XPO5: variants seen among roughly 807,000 people sequenced by gnomAD.
XPO5 encodes exportin-5.
XPO5 carries 46 observed loss-of-function variants against 160.6 expected under a neutral mutation model. The ratio of observed to expected loss-of-function variants is 0.29; its 90% CI spans 0.23 to 0.37. XPO5 has a LOEUF of 0.37. XPO5 is among the 10% of genes least tolerant of loss of function. The pLI is 1.00. For missense variants in XPO5, 1,090 were observed against 1,463.9 expected (o/e 0.74, Z 4.17); for synonymous variants, 537 against 519.3 (o/e 1.03, Z -0.46).
At position 43,550,436 on chromosome 6, in the gene XPO5, CACA is replaced by C. The variant is rs1390262671; in HGVS notation, c.1729-505_1729-503del. On this transcript the variant is annotated intron_variant, in intron 15 of 31. Coordinates refer to ENST00000265351, the MANE Select transcript of XPO5 (RefSeq NM_020750.3). ...TTCTGAAGTCCTACTGGTCTTGTGACACAACATTTTCTTCATTTCTCTGGCTCT... is the reference window on the plus strand; with the variant it reads ...TTCTGAAGTCCTACTGGTCTTGTGACACATTTTCTTCATTTCTCTGGCTCT... Among the ~76,000 whole-genome samples the C allele has an allele frequency of 2.0e-5, 3 of 152,180 alleles. No individual in the cohort carries two copies. The East Asian group carries it at 5.8e-4, about 29-fold the overall frequency.
In XPO5 at chr6:43,547,694, C is replaced by T. The variant is rs1191042961; in HGVS notation, c.2074G>A (p.Val692Ile). 59 of 1,613,846 alleles carry T rather than the reference C, an allele frequency of 3.7e-5. No homozygotes were observed. The highest frequency in any genetic ancestry group is 4.8e-5 in the Non-Finnish European group (57 of 1,179,872). The change falls in exon 19 of 32, where the codon GTT becomes ATT. Residue 692 changes from valine to isoleucine, a missense_variant. Physicochemically the swap from Val to Ile is conservative, Grantham distance 29. Transcript: ENST00000265351. ...SQDMHRVLSD[V>I]DAFIAYVGTD... ...CCCACATACGCAATGAAAGCATCAA[C>T]ATCTGACAGCACTCTGAAGGTTGGA...
rs749301680 is a variant in XPO5 at position 43,553,510 on chromosome 6, A to AACAC, written c.1442-11_1442-8dup. ...GTTCCAACTGCAGAACAAGCTTTAA[A>AACAC]ACACACACACACACATACACACACA... On this transcript the variant is annotated splice_polypyrimidine_tract_variant and splice_region_variant and intron_variant, in intron 13 of 31. Transcript: ENST00000265351. The AACAC allele has an allele frequency of 2.1e-5, 32 of 1,503,410 alleles. No individual in the cohort carries two copies. In the African/African-American group the frequency reaches 2.3e-4, roughly 11 times the overall value. 93.1% of individuals were successfully genotyped at this position (1,503,410 alleles called of 1,614,324 possible).
In XPO5 at chr6:43,553,385, T is replaced by C. The variant is rs777464096; in HGVS notation, c.1560A>G (p.Thr520=). 64 of 1,608,554 alleles carry C rather than the reference T, an allele frequency of 4.0e-5. No homozygotes were observed. Among genetic ancestry groups the C allele is most frequent in the Non-Finnish European group, 5.3e-5 (62 of 1,177,448 alleles). The change falls in exon 14 of 32, where the codon ACA becomes ACG. Residue 520 remains threonine (T), a synonymous_variant. Transcript: ENST00000265351. ...LESVITQMFR[T]LNREEIPVND... is the part of the protein sequence containing the mutation. ...AATAATTACTTACTTCTCTATTTAGTGTTCGAAACATCTGGGTGATAACAC... is the reference window on the plus strand; with the variant it reads ...AATAATTACTTACTTCTCTATTTAGCGTTCGAAACATCTGGGTGATAACAC...
chr6:43,525,995 CA>C, intron 27 of XPO5, 74 bp from the exon 28 acceptor site: 1 of 1,546,218 alleles, frequency 6.5e-7, no homozygotes, highest in East Asian at 2.3e-5. Context: ...GACAGAAGCG[CA>C]AAAAACAAAG....
chr6:43,526,837 G>T, intron 26 of XPO5, 90 bp from the exon 27 acceptor site: 2 of 1,349,852 alleles, frequency 1.5e-6, no homozygotes, highest in Admixed American at 1.9e-5. Context: ...ACCTGTCTCT[G>T]GCCAGGTGAG....
At chr6:43,555,587 T>G (rs1414795827) in intron 13 of XPO5, 1 of 303,780 alleles carries the variant, frequency 3.3e-6, no homozygotes, top group East Asian at 5.8e-5. Flanking sequence ...TTGATTCTGT[T>G]AGAAATGGAA....
chr6:43,573,821 ATAT>A (rs1299182884), intron 1 of XPO5, among the ~76,000 whole-genome samples: 5,066 of 122,546 alleles, frequency 0.041, 70 homozygotes, highest in African/African-American at 0.09. Flanking sequence ...ATATATATAT[ATAT>A]TTTTTTTTTT....
intron 12 of XPO5, among the ~76,000 whole-genome samples, chr6:43,557,141 A>ATCAAGTACTG (rs1219810973): frequency 2.1e-5 from 3 of 145,822 alleles, no homozygotes; most frequent in East Asian, 4.1e-4. Flanking sequence ...AAAAAAAAAA[A>ATCAAGTACTG]AAAGGCTGGG....
At chr6:43,546,413 A>AT (rs951014338) in intron 20 of XPO5, among the ~76,000 whole-genome samples, 158 bp downstream of exon 20, 11 of 152,208 alleles carry the variant, frequency 7.2e-5, no homozygotes, top group South Asian at 4.2e-4. Context: ...AGCTGATGTT[A>AT]TTTTTTTTAA....
chr6:43,524,449 C>T (rs1793416817), intron 31 of XPO5, 22 bp downstream of exon 31: 4 of 1,609,966 alleles, frequency 2.5e-6, no homozygotes, highest in Non-Finnish European at 3.4e-6. Flanking sequence ...GTTGGGAGCA[C>T]TATTGAAGGT....
At position 43,567,205 on chromosome 6, in the gene XPO5, T is replaced by A. The variant is rs762655087; in HGVS notation, c.798A>T (p.Gly266=). Residue 266 remains glycine (G), a synonymous_variant, in exon 7 of 32, where the codon GGA becomes GGT. Transcript: ENST00000265351. ...LLLNEQELQL[G]AAECLLIAVS... is the part of the protein sequence containing the mutation. Reference sequence around the variant, plus strand: ...CTGCAATGAGAAGACACTCAGCGGCTCCCAACTGAAGTTCCTGTTCATTCA... The same window carrying A: ...CTGCAATGAGAAGACACTCAGCGGCACCCAACTGAAGTTCCTGTTCATTCA... 1.2e-6 allele frequency: 2 copies of A among 1,613,684 alleles called. No homozygotes were observed. Among genetic ancestry groups the A allele is most frequent in the South Asian group, 2.2e-5 (2 of 91,000 alleles).
chr6:43,562,739 C>G (rs140746792), intron 8 of XPO5, among the ~76,000 whole-genome samples: 1 of 152,292 alleles, frequency 6.6e-6, no homozygotes, highest in Non-Finnish European at 1.5e-5. Context: ...GGGTTGGAAT[C>G]ACCGCTTTAT....
chr6:43,549,019 T>C (rs950233207), intron 17 of XPO5, among the ~76,000 whole-genome samples: 13 of 152,212 alleles, frequency 8.5e-5, no homozygotes, highest in African/African-American at 2.4e-4. Context: ...CCATCACATT[T>C]CTAACTATAC....
In XPO5 at chr6:43,549,518, T is replaced by G; in HGVS notation, c.1831A>C (p.Met611Leu). ...RRHACSSIIK[M>L]CRDYPQLVLP... Reference sequence around the variant, plus strand: ...ACAAGCTGGGGGTAGTCACGACACATCTTGATGATGGAGGAACAAGCATGC... The same window carrying G: ...ACAAGCTGGGGGTAGTCACGACACAGCTTGATGATGGAGGAACAAGCATGC... Residue 611 changes from methionine to leucine, a missense_variant, in exon 17 of 32, where the codon ATG becomes CTG. Met to Leu is a conservative substitution (Grantham distance 15). Around this residue, in one of 3 missense-constraint regions of XPO5, gnomAD observed 810 missense variants for 1,139.0 expected, o/e 0.71. Transcript: ENST00000265351. The G allele has an allele frequency of 6.2e-7, 1 of 1,613,238 alleles. No homozygotes were observed.
At chr6:43,573,697 G>A (rs1003837626) in intron 1 of XPO5, 96 bp from the exon 2 acceptor site, 109 of 1,430,378 alleles carry the variant, frequency 7.6e-5, no homozygotes, top group Non-Finnish European at 1.0e-4. Context: ...GCCGGGTGCG[G>A]TGGCTCACAC....
chr6:43,544,421 T>A (rs1794865413), intron 20 of XPO5, among the ~76,000 whole-genome samples: 2 of 152,084 alleles, frequency 1.3e-5, no homozygotes, highest in South Asian at 4.1e-4. Flanking sequence ...TATACTTTTT[T>A]AAAAAAAGAA....
intron 3 of XPO5, 49 bp from the exon 4 acceptor site, chr6:43,571,043 AC>A (rs1430682429): frequency 6.4e-7 from 1 of 1,562,952 alleles, no homozygotes. Flanking sequence ...TGGATTCCAG[AC>A]TTCCAGAAAA....
chr6:43,545,901 A>G (rs578172981), intron 20 of XPO5, among the ~76,000 whole-genome samples: 10 of 152,284 alleles, frequency 6.6e-5, no homozygotes, highest in African/African-American at 2.4e-4. Context: ...CATGTGATCT[A>G]AAACAGTGAT....
intron 10 of XPO5, 109 bp downstream of exon 10, chr6:43,560,815 G>T: frequency 1.1e-6 from 1 of 918,732 alleles, no homozygotes; most frequent in Non-Finnish European, 1.8e-6. Flanking sequence ...ATTCCCCAAG[G>T]CCTGAAGAGT....
Sources: gnomAD v4.1 joint callset for allele counts (sites outside exome capture counted in the v4.1 genomes callset) on GRCh38, gnomAD v4.1.1 for gene constraint, gnomAD v4.1.1 regional missense constraint, MANE v1.5 for transcripts, NCBI Gene and HGNC (gene_info 2026-07-23, HGNC 2026-07-21) for gene names.